Variants in FGGY observed in about 807,000 individuals in gnomAD.
FGGY encodes the protein FGGY carbohydrate kinase domain containing, also known as FGGY carbohydrate kinase domain-containing protein.
In FGGY, 72 loss-of-function variants were observed where a neutral mutation model predicts 71.3. That is an observed-to-expected ratio of 1.01 (90% CI 0.84 to 1.23). The LOEUF (loss-of-function observed/expected upper bound fraction) is 1.23. Among genes scored for constraint, FGGY ranks in the 50% most tolerant of loss-of-function variants. FGGY has a pLI of 0.00. For missense variants in FGGY, 668 were observed against 682.3 expected (o/e 0.98, Z 0.23); for synonymous variants, 251 against 250.3 (o/e 1.00, Z -0.02).
intron 7 of FGGY, among the ~76,000 whole-genome samples, chr1:59,535,826 C>G (rs941654322): frequency 6.7e-6 from 1 of 148,862 alleles, no homozygotes; most frequent in African/African-American, 2.5e-5. Flanking sequence ...GGGATGCATT[C>G]AAAGCAGTGT....
intron 4 of FGGY, among the ~76,000 whole-genome samples, chr1:59,352,627 G>A (rs1032876489): frequency 7.2e-5 from 11 of 152,166 alleles, no homozygotes; most frequent in Admixed American, 6.5e-4. Context: ...TGGCTAGAGA[G>A]GTGGTTTGAT....
chr1:59,508,202 A>C (rs4912402), intron 6 of FGGY, among the ~76,000 whole-genome samples: 21,763 of 152,164 alleles, frequency 0.14, 2,171 homozygotes, highest in East Asian at 0.49. Context: ...TGGGAACACC[A>C]TGTACACATT....
At chr1:59,306,517 G>A (rs533884199) in intron 1 of FGGY, among the ~76,000 whole-genome samples, 15 of 152,310 alleles carry the variant, frequency 9.8e-5, no homozygotes, top group African/African-American at 2.4e-4. Context: ...AGGAGAAATC[G>A]TGTGGAGAAG....
intron 9 of FGGY, among the ~76,000 whole-genome samples, chr1:59,616,294 A>G (rs1572149879): frequency 6.6e-6 from 1 of 152,240 alleles, no homozygotes; most frequent in African/African-American, 2.4e-5. Context: ...ACCATGGAAT[A>G]CTATGCAGCC....
chr1:59,642,718 A>T (rs2097048110), intron 11 of FGGY, among the ~76,000 whole-genome samples: 1 of 151,492 alleles, frequency 6.6e-6, no homozygotes, highest in East Asian at 2.0e-4. Flanking sequence ...AATGTTGAAA[A>T]ATAATGGCCC....
chr1:59,334,786 T>A (rs964031277), intron 2 of FGGY, among the ~76,000 whole-genome samples: 5 of 152,218 alleles, frequency 3.3e-5, no homozygotes, highest in African/African-American at 1.2e-4. Flanking sequence ...TTTAAAAGGT[T>A]GTAGTCATGT....
intron 11 of FGGY, among the ~76,000 whole-genome samples, chr1:59,641,917 C>A (rs2097032938): frequency 6.6e-6 from 1 of 152,156 alleles, no homozygotes; most frequent in Non-Finnish European, 1.5e-5. Flanking sequence ...CATAGCTATT[C>A]CTCTACTTTA....
intron 5 of FGGY, among the ~76,000 whole-genome samples, chr1:59,390,242 A>C (rs2060534730): frequency 6.6e-6 from 1 of 152,228 alleles, no homozygotes; most frequent in African/African-American, 2.4e-5. Flanking sequence ...CACTAATGAT[A>C]GTAGAAATAA....
At chr1:59,498,792 C>T (rs1168925133) in intron 6 of FGGY, among the ~76,000 whole-genome samples, 1 of 152,202 alleles carries the variant, frequency 6.6e-6, no homozygotes, top group Non-Finnish European at 1.5e-5. Flanking sequence ...TCTTTCTCTG[C>T]TCGATTTCCA....
Position 59,642,820 on chromosome 1 carries a change from A to G in FGGY, c.1221+4445A>G, listed in dbSNP as rs540203811. On this transcript the variant is annotated intron_variant, in intron 11 of 15. Coordinates refer to ENST00000303721, the MANE Select transcript of FGGY (RefSeq NM_018291.5). ...GCCGAAGCGGATGGATCACGAGGTC[A>G]GGAGATCGAGACCATCCTGGCTAAC... Among the ~76,000 whole-genome samples the G allele has an allele frequency of 2.0e-5, 3 of 152,052 alleles. No homozygotes were observed. The East Asian group carries it at 5.8e-4, about 30-fold the overall frequency.
intron 5 of FGGY, among the ~76,000 whole-genome samples, chr1:59,400,122 G>T (rs835415): frequency 0.02 from 3,038 of 152,242 alleles, 99 homozygotes; most frequent in African/African-American, 0.07. Flanking sequence ...CCCTTAGTCT[G>T]GTGTGTGCAG....
At chr1:59,355,009 AGG>A (rs2054031554) in intron 4 of FGGY, among the ~76,000 whole-genome samples, 1 of 152,180 alleles carries the variant, frequency 6.6e-6, no homozygotes, top group Admixed American at 6.5e-5. Flanking sequence ...GAGGCGTAGG[AGG>A]GGGTTTGGCG....
intron 4 of FGGY, among the ~76,000 whole-genome samples, chr1:59,348,134 T>C (rs1447249886): frequency 2.0e-5 from 3 of 152,150 alleles, no homozygotes; most frequent in African/African-American, 7.2e-5. Flanking sequence ...CATCAACAAC[T>C]GGGCAAAGGA....
At chr1:59,355,385 A>T (rs1364888174) in intron 4 of FGGY, among the ~76,000 whole-genome samples, 1 of 152,236 alleles carries the variant, frequency 6.6e-6, no homozygotes, top group Non-Finnish European at 1.5e-5. Flanking sequence ...GACTGGCCAT[A>T]TACACACAAG....
intron 6 of FGGY, among the ~76,000 whole-genome samples, chr1:59,477,835 G>T (rs1374704897): frequency 1.3e-5 from 2 of 152,074 alleles, no homozygotes; most frequent in Non-Finnish European, 2.9e-5. Context: ...AAACTGCCAG[G>T]GATCTTTAAA....
At chr1:59,672,409 C>T (rs923338502) in intron 13 of FGGY, among the ~76,000 whole-genome samples, 1 of 152,242 alleles carries the variant, frequency 6.6e-6, no homozygotes, top group African/African-American at 2.4e-5. Context: ...TGTGGTACAT[C>T]TTATCATCAT....
intron 8 of FGGY, among the ~76,000 whole-genome samples, chr1:59,582,627 C>T (rs1285088424): frequency 2.0e-5 from 3 of 149,938 alleles, no homozygotes; most frequent in African/African-American, 7.6e-5. Flanking sequence ...TATCCTCTCG[C>T]TGGAAGCTTT....
At chr1:59,310,132 C>T (rs920121592) in intron 1 of FGGY, 6 of 151,272 alleles carry the variant, frequency 4.0e-5, no homozygotes, top group African/African-American at 1.5e-4. Context: ...TGATATTGTC[C>T]TCAGCTCCTC....
intron 6 of FGGY, among the ~76,000 whole-genome samples, chr1:59,466,465 ACACCAAAAGCAATGG>A (rs2092635069): frequency 6.6e-6 from 1 of 152,208 alleles, no homozygotes; most frequent in African/African-American, 2.4e-5. Flanking sequence ...CATGTCTAAA[ACACCAAAAGCAATGG>A]CACCAAAAGC....
Sources: allele counts gnomAD v4.1 joint callset (sites outside exome capture counted in the v4.1 genomes callset), GRCh38; gene constraint gnomAD v4.1.1; transcripts MANE v1.5; gene names NCBI Gene and HGNC (gene_info 2026-07-23, HGNC 2026-07-21).